TANGO2: variants seen among roughly 807,000 people sequenced by gnomAD.
TANGO2 encodes the protein transport and golgi organization 2 homolog.
In TANGO2, 26 loss-of-function variants were observed where a neutral mutation model predicts 39.1. The ratio of observed to expected loss-of-function variants is 0.67; its 90% confidence interval spans 0.49 to 0.92. TANGO2 has a LOEUF of 0.92. Among genes scored for constraint, TANGO2 ranks in the 40% least tolerant of loss-of-function variants. The probability of loss-of-function intolerance (pLI) is 0.00; values close to 1 mark genes in which losing one functional copy is unlikely to be tolerated. For missense variants in TANGO2, 326 were observed against 360.1 expected (o/e 0.91, Z 0.77); for synonymous variants, 131 against 144.5 (o/e 0.91, Z 0.67).
Position 20,061,547 on chromosome 22 carries a change from A to G in TANGO2, c.469A>G (p.Asn157Asp). 1 of 1,606,604 alleles carries G rather than the reference A, an allele frequency of 6.2e-7. No homozygotes were observed. Residue 157 changes from asparagine (N) to aspartate (D), a missense_variant, in exon 7 of 9, where the codon AAC (asparagine) becomes GAC (aspartate). Physicochemically the swap from Asn to Asp is conservative, Grantham distance 23. Coordinates refer to ENST00000327374, the MANE Select transcript of TANGO2 (RefSeq NM_152906.7). Reference protein sequence around the residue: ...VLTPGTYGLSNALLETPWRKL... With the variant: ...VLTPGTYGLSDALLETPWRKL... ...CCTCACAGGCACCTACGGGCTGAGC[A>G]ACGCGCTGCTGGAGACTCCCTGGAG...
chr22:20,035,940 A>T (rs930272584), intron 1 of TANGO2, among the ~76,000 whole-genome samples: 2 of 152,094 alleles, frequency 1.3e-5, no homozygotes, highest in East Asian at 3.9e-4. Flanking sequence ...TGGATAGCTG[A>T]TGTGTGCTTG....
At chr22:20,031,627 T>C (rs920148113) in intron 1 of TANGO2, among the ~76,000 whole-genome samples, 15 of 152,346 alleles carry the variant, frequency 9.8e-5, no homozygotes, top group African/African-American at 3.6e-4. Flanking sequence ...TGCCAGTTGC[T>C]TTCAAGATGA....
chr22:20,020,917 C>T (rs1414267336), upstream of TANGO2, among the ~76,000 whole-genome samples: 4 of 152,236 alleles, frequency 2.6e-5, no homozygotes, highest in South Asian at 8.3e-4. Context: ...CCCGCGCAGC[C>T]CGAAGCTTTG....
At chr22:20,052,152 T>G (rs1389022955) in intron 3 of TANGO2, among the ~76,000 whole-genome samples, 1 of 152,166 alleles carries the variant, frequency 6.6e-6, no homozygotes, top group African/African-American at 2.4e-5. Context: ...GTGCTGCCCC[T>G]CAGCCTTGAC....
chr22:20,023,431 T>G (rs900228824), intron 1 of TANGO2, among the ~76,000 whole-genome samples: 5 of 152,250 alleles, frequency 3.3e-5, no homozygotes, highest in African/African-American at 1.2e-4. Flanking sequence ...GAGCTTGCTG[T>G]CTGCTCACGA....
rs368496870 is a variant in TANGO2 at position 20,045,291 on chromosome 22, T to G, written c.145+1848T>G. Among the ~76,000 whole-genome samples the G allele has an allele frequency of 6.1e-5, 9 of 147,934 alleles. No individual in the cohort carries two copies. The South Asian group carries it at 1.9e-3, about 32-fold the overall frequency. On this transcript the variant is annotated intron_variant, in intron 3 of 8. Coordinates refer to ENST00000327374, the MANE Select transcript of TANGO2 (RefSeq NM_152906.7). ...TCTTTACAAAAAAAAAAAAAAAAAT[T>G]AGCCAGCTGTGGTGGCATATGCCTG...
At chr22:20,033,537 C>T (rs539184654) in intron 1 of TANGO2, among the ~76,000 whole-genome samples, 1 of 152,358 alleles carries the variant, frequency 6.6e-6, no homozygotes, top group East Asian at 1.9e-4. Context: ...TTGAGACCAA[C>T]GGCCTTCTCT....
chr22:20,055,900 G>T (rs192408592), intron 5 of TANGO2, 43 bp from the exon 6 acceptor site: 1 of 1,536,440 alleles, frequency 6.5e-7, no homozygotes, highest in Non-Finnish European at 9.0e-7. Context: ...CGGGGAGGAC[G>T]CCCTATGGCT....
chr22:20,021,564 C>G (rs1234900566), intron 1 of TANGO2, among the ~76,000 whole-genome samples: 1 of 152,216 alleles, frequency 6.6e-6, no homozygotes, highest in Non-Finnish European at 1.5e-5. Flanking sequence ...GCCCCCTACC[C>G]GCGGCCTGCT....
At chr22:20,061,940 C>T (rs1449847299) in intron 7 of TANGO2, 2 of 479,556 alleles carry the variant, frequency 4.2e-6, no homozygotes, top group Non-Finnish European at 7.4e-6. Context: ...CACCCAGAGG[C>T]TTGATGCAGC....
rs34580239 is a variant in TANGO2, at chr22:20,026,397, C to CA, written c.-40+5166dup. ...TGGGCGACATAGCGAGACTTCGTCT[C>CA]AAAAAAAAAAAAAAAGAGCTTCACC... On this transcript the variant is annotated intron_variant, in intron 1 of 8. Transcript: ENST00000327374. 4.4e-3 allele frequency among the ~76,000 whole-genome samples: 605 copies of CA among 137,888 alleles called. 6 individuals are homozygous for CA. The highest frequency in any genetic ancestry group is 0.015 in the African/African-American group (579 of 37,526). The allele number at this position is 137,888 out of a possible 152,430, so 90.5% of individuals were successfully genotyped here.
chr22:20,044,059 G>A (rs2044568158), intron 3 of TANGO2, among the ~76,000 whole-genome samples: 1 of 152,176 alleles, frequency 6.6e-6, no homozygotes, highest in Non-Finnish European at 1.5e-5. Flanking sequence ...ATGGGGTGGT[G>A]GGAGTCTACC....
At chr22:20,050,355 G>T (rs896088416) in intron 3 of TANGO2, among the ~76,000 whole-genome samples, 29 of 121,086 alleles carry the variant, frequency 2.4e-4, no homozygotes, top group Non-Finnish European at 3.5e-4. Context: ...TATTTTCCTG[G>T]TGGTTTTTTT....
At chr22:20,022,440 C>T (rs536721828) in intron 1 of TANGO2, among the ~76,000 whole-genome samples, 1 of 152,334 alleles carries the variant, frequency 6.6e-6, no homozygotes, top group Admixed American at 6.5e-5. Flanking sequence ...CCCCCACCCC[C>T]TTTGACCCCT....
Position 20,057,070 on chromosome 22 carries a change from GAGGTTGC to G in TANGO2, c.451+1062_451+1068del. On this transcript the variant is annotated intron_variant, in intron 6 of 8. Coordinates refer to ENST00000327374, the MANE Select transcript of TANGO2 (RefSeq NM_152906.7). This position sits in a 1 kb window ranked among gnomAD's most constrained non-coding sequence, Gnocchi z 4.1. ...TTGCATTTGGCACAAATCACCAAGT[GAGGTTGC>G]AGGTCACAGGTGCACACCTTCCCAC... The G allele has an allele frequency of 2.4e-6, 1 of 420,856 alleles. No homozygotes were observed. Among genetic ancestry groups the G allele is most frequent in the South Asian group, 1.7e-5 (1 of 58,362 alleles). 26.1% of individuals were successfully genotyped at this position (420,856 alleles called of 1,614,324 possible).
rs911140441 is a variant in TANGO2, at chr22:20,057,811, GCAGT to G, written c.451+1802_451+1805del. ...GAATTGGAAACTAAAAGGTGCAAAA[GCAGT>G]CAGAGACTCCCTACCACCCCCTCAC... On this transcript the variant is annotated intron_variant, in intron 6 of 8. Transcript: ENST00000327374. This position sits in a 1 kb window ranked among gnomAD's most constrained non-coding sequence, Gnocchi z 4.1. Among the ~76,000 whole-genome samples the G allele has an allele frequency of 1.3e-5, 2 of 152,156 alleles. No individual in the cohort carries two copies. The highest frequency in any genetic ancestry group is 4.8e-5 in the African/African-American group (2 of 41,428).
intron 1 of TANGO2, chr22:20,033,144 G>C: frequency 2.0e-6 from 1 of 505,622 alleles, no homozygotes; most frequent in Non-Finnish European, 4.0e-6. Context: ...CGAGCAGGGG[G>C]CGAGGGATTG....
chr22:20,029,827 G>C (rs73389721), intron 1 of TANGO2, among the ~76,000 whole-genome samples: 2,621 of 152,342 alleles, frequency 0.017, 83 homozygotes, highest in African/African-American at 0.059. Flanking sequence ...CACTCTAGCT[G>C]TCTGGGCTGC....
At chr22:20,063,114 C>T (rs553670316) in intron 7 of TANGO2, 4 of 507,212 alleles carry the variant, frequency 7.9e-6, no homozygotes, top group Admixed American at 3.5e-5. Flanking sequence ...CAAGATCGTA[C>T]CATTGCGCTC....
Sources: allele counts gnomAD v4.1 joint callset (sites outside exome capture counted in the v4.1 genomes callset), GRCh38; gene constraint gnomAD v4.1.1; non-coding constraint Gnocchi (gnomAD v3.1); transcripts MANE v1.5; gene names NCBI Gene and HGNC (gene_info 2026-07-23, HGNC 2026-07-21).